Variants in CHIC1 observed in about 807,000 individuals in gnomAD.
CHIC1 encodes the protein cysteine rich hydrophobic domain 1, also known as cysteine-rich hydrophobic domain-containing protein 1.
Under a neutral mutation model 18.5 loss-of-function variants are expected in CHIC1, and 7 were observed. That is an observed-to-expected ratio of 0.38 (90% CI 0.22 to 0.71). CHIC1 has a LOEUF of 0.71. CHIC1 is among the 30% of genes least tolerant of loss of function. The pLI is 0.49. For missense variants in CHIC1, 159 were observed against 176.9 expected (o/e 0.90, Z 0.57); for synonymous variants, 77 against 73.5 (o/e 1.05, Z -0.25).
rs775553333 is a variant in CHIC1 at position 73,622,996 on chromosome X, T to C, written c.507+38424T>C. On this transcript the variant is annotated intron_variant, in intron 3 of 5. Coordinates refer to ENST00000373502, the MANE Select transcript of CHIC1 (RefSeq NM_001039840.4). Reference sequence around the variant, plus strand: ...TTCAGTTTCCAAGTAGTTACGTGGTTTTGAGTGAGTTTCTTCATCCTGAGT... The same window carrying C: ...TTCAGTTTCCAAGTAGTTACGTGGTCTTGAGTGAGTTTCTTCATCCTGAGT... Among the ~76,000 whole-genome samples, 6 of 112,009 alleles carry C rather than the reference T, an allele frequency of 5.4e-5. No homozygotes were observed. The South Asian group carries it at 2.2e-3, about 41-fold the overall frequency.
chrX:73,584,048 A>G (rs2057540518), intron 2 of CHIC1, among the ~76,000 whole-genome samples: 2 of 111,053 alleles, frequency 1.8e-5, no homozygotes, highest in African/African-American at 6.5e-5. Flanking sequence ...TTGTTGTGTT[A>G]TGCTTCTAGT....
intron 3 of CHIC1, among the ~76,000 whole-genome samples, chrX:73,675,859 G>C (rs1285135701): frequency 9.0e-6 from 1 of 110,601 alleles, no homozygotes; most frequent in Non-Finnish European, 1.9e-5. Context: ...TGTTTTTGCA[G>C]TGGCTGGTAC....
chrX:73,629,676 T>G (rs1216407069), intron 3 of CHIC1, among the ~76,000 whole-genome samples: 1 of 112,191 alleles, frequency 8.9e-6, no homozygotes, highest in Non-Finnish European at 1.9e-5. Context: ...AGTATCATAC[T>G]GTTTTGATTA....
At chrX:73,570,703 G>C (rs1172461041) in intron 1 of CHIC1, among the ~76,000 whole-genome samples, 7 of 111,263 alleles carry the variant, frequency 6.3e-5, no homozygotes, top group African/African-American at 2.3e-4. Context: ...TATAGATTTG[G>C]TGATCGTTAA....
rs914504501 is a variant in CHIC1 at position 73,597,774 on chromosome X, C to A, written c.507+13202C>A. 3.7e-5 allele frequency among the ~76,000 whole-genome samples: 4 copies of A among 109,337 alleles called. No individual in the cohort carries two copies. The East Asian group carries it at 1.2e-3, about 32-fold the overall frequency. 94.9% of individuals were successfully genotyped at this position (109,337 alleles called of 115,157 possible). ...TCCTAATGCTATCCCTCCCCTAGCC[C>A]CCCACCTCCTGACAGACCCTGGTGT... On this transcript the variant is annotated intron_variant, in intron 3 of 5. Coordinates refer to ENST00000373502, the MANE Select transcript of CHIC1 (RefSeq NM_001039840.4).
At chrX:73,566,124 G>A (rs1326921147) in intron 1 of CHIC1, among the ~76,000 whole-genome samples, 1 of 109,828 alleles carries the variant, frequency 9.1e-6, no homozygotes, top group Non-Finnish European at 1.9e-5. Flanking sequence ...GTCTGCCCCA[G>A]AATTATATCA....
intron 3 of CHIC1, among the ~76,000 whole-genome samples, chrX:73,647,149 C>G (rs961332009): frequency 2.7e-5 from 3 of 111,679 alleles, no homozygotes; most frequent in Non-Finnish European, 5.6e-5. Flanking sequence ...CTAGGGAAAC[C>G]ATGCTTTTTC....
intron 3 of CHIC1, among the ~76,000 whole-genome samples, chrX:73,593,756 A>G (rs937487343): frequency 9.0e-6 from 1 of 111,580 alleles, no homozygotes; most frequent in Admixed American, 9.5e-5. Context: ...TTTCAATTCC[A>G]GAAGTTCAGT....
intron 3 of CHIC1, among the ~76,000 whole-genome samples, chrX:73,668,315 G>A (rs2058014047): frequency 9.0e-6 from 1 of 111,628 alleles, no homozygotes; most frequent in East Asian, 2.8e-4. Context: ...TGCTCCTTTA[G>A]CTCAGCAAAT....
chrX:73,595,608 T>C (rs981334284), intron 3 of CHIC1, among the ~76,000 whole-genome samples: 4 of 111,777 alleles, frequency 3.6e-5, no homozygotes, highest in South Asian at 3.8e-4. Context: ...AAGTCTTTGC[T>C]ATAGTGACTA....
intron 3 of CHIC1, among the ~76,000 whole-genome samples, chrX:73,645,067 C>T (rs762852239): frequency 2.3e-3 from 254 of 112,355 alleles, no homozygotes; most frequent in African/African-American, 7.0e-3. Flanking sequence ...GCGTCGCTCA[C>T]GCTGGGAGCT....
At chrX:73,629,572 T>C (rs952893208) in intron 3 of CHIC1, among the ~76,000 whole-genome samples, 6 of 112,287 alleles carry the variant, frequency 5.3e-5, no homozygotes, top group African/African-American at 1.9e-4. Flanking sequence ...CTTTTTCCAA[T>C]GTGTATGCTT....
intron 3 of CHIC1, among the ~76,000 whole-genome samples, chrX:73,600,866 T>A (rs1240216859): frequency 9.4e-6 from 1 of 106,569 alleles, no homozygotes; most frequent in East Asian, 2.9e-4. Flanking sequence ...GAGGAAGATC[T>A]ACCAAGCAAA....
chrX:73,656,995 C>G lies in CHIC1; in HGVS notation c.508-22331C>G, dbSNP rs185556086. Reference sequence around the variant, plus strand: ...TTTCTTTGAGCAGTGTTTTGTAGCTCTCCTTGAAGAGGTCCTTTACTTCCC... The same window carrying G: ...TTTCTTTGAGCAGTGTTTTGTAGCTGTCCTTGAAGAGGTCCTTTACTTCCC... On this transcript the variant is annotated intron_variant, in intron 3 of 5. Coordinates refer to ENST00000373502, the MANE Select transcript of CHIC1 (RefSeq NM_001039840.4). Among the ~76,000 whole-genome samples, 1,032 of 109,713 alleles carry G rather than the reference C, an allele frequency of 9.4e-3. 6 individuals carry two copies. Among genetic ancestry groups the G allele is most frequent in the African/African-American group, 0.033 (1,004 of 30,208 alleles).
In CHIC1 at chrX:73,563,491, G is replaced by C. The variant is rs754644575; in HGVS notation, c.207G>C (p.Ala69=). 1 of 1,140,695 alleles carries C rather than the reference G, an allele frequency of 8.8e-7. No homozygotes were observed. The highest frequency in any genetic ancestry group is 1.2e-6 in the Non-Finnish European group (1 of 860,251). The allele number at this position is 1,140,695 out of a possible 1,213,427, so 94.0% of individuals were successfully genotyped here. A position where few individuals can be genotyped will look rare whatever the true frequency, so the allele number is the denominator to read the frequency against. Residue 69 remains alanine, a synonymous_variant, in exon 1 of 6, where the codon GCG becomes GCC. Coordinates refer to ENST00000373502, the MANE Select transcript of CHIC1 (RefSeq NM_001039840.4). ...EEEEEEEEEE[A]PPPPRVVSEE... is the part of the protein sequence containing the mutation. ...AGGAGGAGGAAGAGGAGGAGGAAGC[G>C]CCGCCCCCGCCTCGGGTAGTGAGCG...
chrX:73,597,440 ACT>A (rs1359561751), intron 3 of CHIC1, among the ~76,000 whole-genome samples: 3 of 109,609 alleles, frequency 2.7e-5, no homozygotes, highest in African/African-American at 9.9e-5. Context: ...TTGTCTTTTC[ACT>A]GTCTTAATAG....
At chrX:73,592,209 G>T (rs1249906214) in intron 3 of CHIC1, among the ~76,000 whole-genome samples, 1 of 110,377 alleles carries the variant, frequency 9.1e-6, no homozygotes, top group East Asian at 2.9e-4. Context: ...TTGACTGATT[G>T]CTCTGTCTAG....
chrX:73,577,611 C>T (rs1010514118), intron 2 of CHIC1, 150 bp downstream of exon 2: 8 of 388,966 alleles, frequency 2.1e-5, no homozygotes, highest in Non-Finnish European at 3.5e-5. Flanking sequence ...TGTTTGAAAG[C>T]TGTTGCCATG....
At chrX:73,606,556 A>G (rs73229438) in intron 3 of CHIC1, among the ~76,000 whole-genome samples, 4,099 of 106,859 alleles carry the variant, frequency 0.038, 131 homozygotes, top group Middle Eastern at 0.051. Context: ...TTTGGGGGAG[A>G]AGAGACATTC....
Sources: allele counts gnomAD v4.1 joint callset (sites outside exome capture counted in the v4.1 genomes callset), GRCh38; gene constraint gnomAD v4.1.1; transcripts MANE v1.5; gene names NCBI Gene and HGNC (gene_info 2026-07-23, HGNC 2026-07-21).